Variants in MEAK7 observed in about 807,000 individuals in gnomAD.
MEAK7 encodes MTOR-associated protein MEAK7.
In MEAK7, 68 loss-of-function variants were observed where a neutral mutation model predicts 40.5. That is an observed-to-expected ratio of 1.68 (90% CI 1.38 to 2.06). The LOEUF (loss-of-function observed/expected upper bound fraction) is 2.06, where lower values mean the gene tolerates loss of function less well. Among genes scored for constraint, MEAK7 ranks in the 30% most tolerant of loss-of-function variants. The pLI is 0.00. For missense variants in MEAK7, 918 were observed against 580.5 expected, an observed-to-expected ratio of 1.58 and a Z score of -5.98; for synonymous variants, 338 against 231.9, an observed-to-expected ratio of 1.46 and a Z score of -4.16.
chr16:84,495,061 G>A (rs1913926588), intron 3 of MEAK7, among the ~76,000 whole-genome samples: 1 of 152,136 alleles, frequency 6.6e-6, no homozygotes, highest in South Asian at 2.1e-4. Context: ...CTAAGCTCAG[G>A]AGTTGGAGAC....
At chr16:84,488,416 G>T (rs1343763999) in intron 4 of MEAK7, 1 of 135,282 alleles carries the variant, frequency 7.4e-6, no homozygotes, top group Non-Finnish European at 1.7e-5. Context: ...AAAGTGATTT[G>T]CCACAAGGTT....
rs1002172389 is a variant in MEAK7 at position 84,497,640 on chromosome 16, G to A, written c.153+294C>T. On this transcript the variant is annotated intron_variant, in intron 2 of 7. Coordinates refer to ENST00000343629, the MANE Select transcript of MEAK7 (RefSeq NM_020947.4). The stretch of plus-strand genomic sequence containing the variant: ...GTGAATCATTCATTATCTACTCCAG[G>A]TTCCTTTCTGTAGTACAGATAAGAG... The A allele has an allele frequency of 8.6e-6, 12 of 1,396,288 alleles. No homozygotes were observed. In the Admixed American group the frequency reaches 1.9e-4, roughly 22 times the overall value. The allele number at this position is 1,396,288 out of a possible 1,614,324, so 86.5% of individuals were successfully genotyped here. A position where few individuals can be genotyped will look rare whatever the true frequency, so the allele number is the denominator to read the frequency against.
intron 5 of MEAK7, among the ~76,000 whole-genome samples, chr16:84,483,698 T>A (rs1414647403): frequency 6.6e-6 from 1 of 151,996 alleles, no homozygotes; most frequent in Non-Finnish European, 1.5e-5. Flanking sequence ...TCTAGAAAGA[T>A]CGCTGGGGGG....
At chr16:84,483,127 T>A (rs566959476) in intron 5 of MEAK7, among the ~76,000 whole-genome samples, 1 of 152,196 alleles carries the variant, frequency 6.6e-6, no homozygotes, top group Non-Finnish European at 1.5e-5. Context: ...CGCTGCGTAG[T>A]GCTGACCCCG....
intron 5 of MEAK7, 75 bp from the exon 6 acceptor site, chr16:84,482,785 G>T: frequency 6.3e-7 from 1 of 1,584,422 alleles, no homozygotes; most frequent in Non-Finnish European, 8.6e-7. Context: ...ATGCCGGTAA[G>T]CTGCAGCTCA....
At chr16:84,489,248 A>T in intron 4 of MEAK7, 30 bp downstream of exon 4, 1 of 1,609,900 alleles carries the variant, frequency 6.2e-7, no homozygotes, top group Non-Finnish European at 8.5e-7. Context: ...ACAGCAAAAG[A>T]CCTGCATCAC....
chr16:84,484,515 GA>G (rs1235227445), intron 5 of MEAK7, among the ~76,000 whole-genome samples: 5 of 152,164 alleles, frequency 3.3e-5, no homozygotes, highest in African/African-American at 9.7e-5. Context: ...TGATTGCACA[GA>G]AAACACAAGC....
At chr16:84,493,784 G>T (rs752998402) in intron 3 of MEAK7, among the ~76,000 whole-genome samples, 1 of 152,168 alleles carries the variant, frequency 6.6e-6, no homozygotes, top group African/African-American at 2.4e-5. Context: ...GCTTTGACTG[G>T]AACAGCATTT....
In MEAK7 at chr16:84,477,965, G is replaced by C. The variant is rs1912189835; in HGVS notation, c.*1948C>G. ...CAAGCTCAGGGTGGAAAGCATGTGA[G>C]TGGACAAAGTCCTAACCTTTGCAGC... On this transcript the variant is annotated 3_prime_UTR_variant, in exon 8 of 8. Transcript: ENST00000343629. The C allele has an allele frequency of 6.6e-6, 1 of 152,222 alleles. No individual in the cohort carries two copies. Among genetic ancestry groups the C allele is most frequent in the African/African-American group, 2.4e-5 (1 of 41,466 alleles). The allele number at this position is 152,222 out of a possible 1,614,324, so 9.4% of individuals were successfully genotyped here. A position where few individuals can be genotyped will look rare whatever the true frequency, so the allele number is the denominator to read the frequency against.
intron 1 of MEAK7, 141 bp from the exon 2 acceptor site, chr16:84,498,252 C>G (rs1483330324): frequency 1.9e-6 from 2 of 1,066,774 alleles, no homozygotes; most frequent in Non-Finnish European, 2.6e-6. Context: ...CTACATAATA[C>G]TGGGTTTTGG....
At position 84,486,872 on chromosome 16, in the gene MEAK7, G is replaced by A; in HGVS notation, c.717C>T (p.Gly239=). ...CATCCAGGATGCTCTCAAAACCCCT[G>A]CCCTGGTCCACTTGACGCTCAGGGA... ...TLVPERQVDQ[G]RGFESILDVL... is the part of the protein sequence containing the mutation. Residue 239 remains glycine (G), a synonymous_variant, in exon 5 of 8, where the codon GGC becomes GGT. Coordinates refer to ENST00000343629, the MANE Select transcript of MEAK7 (RefSeq NM_020947.4). 3.1e-6 allele frequency: 5 copies of A among 1,614,150 alleles called. No individual in the cohort carries two copies. The highest frequency in any genetic ancestry group is 4.2e-6 in the Non-Finnish European group (5 of 1,180,028).
At chr16:84,500,611 C>G (rs569911007) in intron 1 of MEAK7, among the ~76,000 whole-genome samples, 3 of 152,144 alleles carry the variant, frequency 2.0e-5, no homozygotes, top group African/African-American at 7.2e-5. Flanking sequence ...GAGGGCTTAC[C>G]CGACCCCGTT....
rs1228384503 is a variant in MEAK7, at chr16:84,479,193, C to CT, written c.*719dup. On this transcript the variant is annotated 3_prime_UTR_variant, in exon 8 of 8. Transcript: ENST00000343629. The stretch of plus-strand genomic sequence containing the variant: ...TTCCCCATTTTATACACAGTTCATG[C>CT]TTTTAAATACAGAACTCCCATGCCA... 1 of 152,212 alleles carries CT rather than the reference C, an allele frequency of 6.6e-6. No individual in the cohort carries two copies. Among genetic ancestry groups the CT allele is most frequent in the African/African-American group, 2.4e-5 (1 of 41,432 alleles). The allele number at this position is 152,212 out of a possible 1,614,324, so 9.4% of individuals were successfully genotyped here.
intron 3 of MEAK7, among the ~76,000 whole-genome samples, chr16:84,492,278 A>G (rs1913681423): frequency 6.6e-6 from 1 of 152,342 alleles, no homozygotes; most frequent in East Asian, 1.9e-4. Context: ...TTCTTGGAGC[A>G]TAACCCACCT....
rs200299607 is a variant in MEAK7 at position 84,486,873 on chromosome 16, C to T, written c.716G>A (p.Gly239Asp). The change falls in exon 5 of 8, where the codon GGC becomes GAC. Residue 239 changes from glycine (G) to aspartate (D), a missense_variant. Coordinates refer to ENST00000343629, the MANE Select transcript of MEAK7 (RefSeq NM_020947.4). ...TLVPERQVDQGRGFESILDVL... is the reference protein window; with the variant it reads ...TLVPERQVDQDRGFESILDVL... Reference sequence around the variant, plus strand: ...ATCCAGGATGCTCTCAAAACCCCTGCCCTGGTCCACTTGACGCTCAGGGAC... The same window carrying T: ...ATCCAGGATGCTCTCAAAACCCCTGTCCTGGTCCACTTGACGCTCAGGGAC... The T allele has an allele frequency of 4.4e-5, 71 of 1,614,038 alleles. No individual in the cohort carries two copies. The highest frequency in any genetic ancestry group is 3.9e-5 in the Non-Finnish European group (46 of 1,180,046).
At position 84,482,621 on chromosome 16, in the gene MEAK7, G is replaced by C. The variant is rs201017562; in HGVS notation, c.1048C>G (p.His350Asp). 3.1e-5 allele frequency: 50 copies of C among 1,614,122 alleles called. No homozygotes were observed. Among genetic ancestry groups the C allele is most frequent in the Non-Finnish European group, 4.2e-5 (49 of 1,180,052 alleles). The change falls in exon 6 of 8, where the codon CAT (histidine) becomes GAT (aspartate). Residue 350 changes from histidine (H) to aspartate (D), a missense_variant. Physicochemically the swap from His to Asp is moderately conservative, Grantham distance 81. Coordinates refer to ENST00000343629, the MANE Select transcript of MEAK7 (RefSeq NM_020947.4). ...CCGTTCGGGATCGTCTGCTGTCCAT[G>C]GTTCAAGTACATGTAGTGGTCGTTG... ...GYNDHYMYLNHGQQTIPNGLG... is the reference protein window; with the variant it reads ...GYNDHYMYLNDGQQTIPNGLG...
chr16:84,504,545 C>T lies in MEAK7; in HGVS notation c.-26+56G>A, dbSNP rs181084692. 152 of 969,162 alleles carry T rather than the reference C, an allele frequency of 1.6e-4. 1 individual carries two copies. The East Asian group carries it at 8.2e-3, about 52-fold the overall frequency. The allele number at this position is 969,162 out of a possible 1,614,324, so 60.0% of individuals were successfully genotyped here. On this transcript the variant is annotated intron_variant, in intron 1 of 7. Transcript: ENST00000343629. Reference sequence around the variant, plus strand: ...ACCCGTCTGCTCCAGTCCCCCGACTCAGCTGGGCCTGCGCCTCTGGGTCAG... The same window carrying T: ...ACCCGTCTGCTCCAGTCCCCCGACTTAGCTGGGCCTGCGCCTCTGGGTCAG...
At chr16:84,500,938 C>CA (rs1345885006) in intron 1 of MEAK7, among the ~76,000 whole-genome samples, 2 of 151,806 alleles carry the variant, frequency 1.3e-5, no homozygotes, top group East Asian at 1.9e-4. Flanking sequence ...ACTAAAAATA[C>CA]AAAAAAATTA....
chr16:84,497,889 AC>A (rs1465769455), intron 2 of MEAK7, 44 bp downstream of exon 2: 4 of 1,610,568 alleles, frequency 2.5e-6, no homozygotes, highest in African/African-American at 1.3e-5. Context: ...CAGTTTGCAG[AC>A]CCCTGCTCCC....
Sources: allele counts gnomAD v4.1 joint callset (sites outside exome capture counted in the v4.1 genomes callset), GRCh38; gene constraint gnomAD v4.1.1; transcripts MANE v1.5; gene names NCBI Gene and HGNC (gene_info 2026-07-23, HGNC 2026-07-21).